AGBL4: variants seen among roughly 807,000 people sequenced by gnomAD.
AGBL4 encodes cytosolic carboxypeptidase 6.
Under a neutral mutation model 66.4 loss-of-function variants are expected in AGBL4, and 58 were observed. The observed-to-expected ratio is 0.87, with a 90% CI of 0.71 to 1.09. The LOEUF (loss-of-function observed/expected upper bound fraction) is 1.09. AGBL4 is among the 50% of genes least tolerant of loss of function. AGBL4 has a pLI of 0.00. For synonymous variants in AGBL4, 234 were observed against 222.9 expected, an observed-to-expected ratio of 1.05 and a Z score of -0.44; for missense variants, 579 against 631.0, an observed-to-expected ratio of 0.92 and a Z score of 0.88.
chr1:48,581,148 G>T (rs1366855298), intron 11 of AGBL4, among the ~76,000 whole-genome samples: 1 of 152,136 alleles, frequency 6.6e-6, no homozygotes, highest in Non-Finnish European at 1.5e-5. Flanking sequence ...CAGAGACCAA[G>T]CTTTTTTCAT....
intron 9 of AGBL4, among the ~76,000 whole-genome samples, chr1:48,596,150 G>A (rs1475637410): frequency 6.6e-6 from 1 of 152,156 alleles, no homozygotes; most frequent in Non-Finnish European, 1.5e-5. Context: ...AACTCTCCAT[G>A]TCCTGTACCC....
chr1:49,741,610 T>C (rs1245496296), intron 2 of AGBL4, among the ~76,000 whole-genome samples: 2 of 151,984 alleles, frequency 1.3e-5, no homozygotes, highest in African/African-American at 4.8e-5. Flanking sequence ...AAGAGAATCA[T>C]AGACCAATAT....
chr1:49,466,649 C>T (rs1450269717), intron 3 of AGBL4, among the ~76,000 whole-genome samples: 4 of 151,690 alleles, frequency 2.6e-5, no homozygotes, highest in African/African-American at 9.7e-5. Context: ...AGTTTATTCT[C>T]CTTCTATTAA....
At chr1:49,801,270 A>G (rs978519512) in intron 2 of AGBL4, among the ~76,000 whole-genome samples, 1 of 152,198 alleles carries the variant, frequency 6.6e-6, no homozygotes, top group Non-Finnish European at 1.5e-5. Flanking sequence ...TCAGTCCTAC[A>G]GCCACATGAG....
chr1:48,905,375 T>C (rs1652489651), intron 5 of AGBL4, among the ~76,000 whole-genome samples: 1 of 152,210 alleles, frequency 6.6e-6, no homozygotes, highest in African/African-American at 2.4e-5. Flanking sequence ...TGTACTGCAA[T>C]GTCTTCAAAA....
intron 4 of AGBL4, among the ~76,000 whole-genome samples, chr1:49,193,032 A>G (rs1647152954): frequency 6.6e-6 from 1 of 152,090 alleles, no homozygotes; most frequent in South Asian, 2.1e-4. Flanking sequence ...TTCTCTAATT[A>G]TCTTTTGTAT....
intron 5 of AGBL4, among the ~76,000 whole-genome samples, chr1:48,944,572 A>G (rs1656297444): frequency 6.6e-6 from 1 of 152,144 alleles, no homozygotes; most frequent in Admixed American, 6.5e-5. Flanking sequence ...TCAAGTAGCA[A>G]CTAATAGATA....
At chr1:49,156,301 TA>T (rs2148129617) in intron 4 of AGBL4, among the ~76,000 whole-genome samples, 1 of 152,296 alleles carries the variant, frequency 6.6e-6, no homozygotes, top group Non-Finnish European at 1.5e-5. Flanking sequence ...GAGAAAGAGC[TA>T]TTGAATGTAA....
chr1:48,896,684 G>A (rs149752327), intron 5 of AGBL4, among the ~76,000 whole-genome samples: 2 of 152,146 alleles, frequency 1.3e-5, no homozygotes, highest in African/African-American at 2.4e-5. Flanking sequence ...AGAAGCAGGT[G>A]TGGTGCTACC....
chr1:48,539,411 T>G (rs1481502753), intron 12 of AGBL4, among the ~76,000 whole-genome samples: 1 of 152,030 alleles, frequency 6.6e-6, no homozygotes, highest in Non-Finnish European at 1.5e-5. Flanking sequence ...GATTCCTAAG[T>G]TAGAACCAGA....
At chr1:49,860,256 G>C (rs1203914442) in intron 1 of AGBL4, among the ~76,000 whole-genome samples, 1 of 152,162 alleles carries the variant, frequency 6.6e-6, no homozygotes, top group Non-Finnish European at 1.5e-5. Flanking sequence ...AAAAAAAACA[G>C]TGTGGGGTTG....
chr1:48,731,372 T>C (rs969333506), intron 6 of AGBL4, among the ~76,000 whole-genome samples: 1 of 152,154 alleles, frequency 6.6e-6, no homozygotes, highest in Non-Finnish European at 1.5e-5. Context: ...TCTAATCAGA[T>C]GTATGGCCTT....
At chr1:49,661,805 A>T (rs983823802) in intron 3 of AGBL4, among the ~76,000 whole-genome samples, 1 of 152,092 alleles carries the variant, frequency 6.6e-6, no homozygotes, top group Non-Finnish European at 1.5e-5. Flanking sequence ...TATATCTATC[A>T]TGTAACCCAG....
chr1:49,739,767 A>C (rs976016048), intron 2 of AGBL4, among the ~76,000 whole-genome samples: 2 of 152,240 alleles, frequency 1.3e-5, no homozygotes, highest in Admixed American at 1.3e-4. Context: ...TAAAGAAAAG[A>C]ATTTTCAACC....
At chr1:49,120,410 ATTTTAT>A (rs1194271958) in intron 4 of AGBL4, among the ~76,000 whole-genome samples, 1 of 152,230 alleles carries the variant, frequency 6.6e-6, no homozygotes, top group East Asian at 1.9e-4. Flanking sequence ...TCTGTAAAGG[ATTTTAT>A]TTCTCCTTCA....
chr1:49,157,167 G>T (rs1475339781), intron 4 of AGBL4, among the ~76,000 whole-genome samples: 1 of 151,880 alleles, frequency 6.6e-6, no homozygotes, highest in Non-Finnish European at 1.5e-5. Flanking sequence ...CACGTGCCAT[G>T]GTGGTTTGCT....
intron 3 of AGBL4, among the ~76,000 whole-genome samples, chr1:49,623,005 G>GA (rs1190693210): frequency 3.9e-5 from 6 of 151,934 alleles, no homozygotes; most frequent in African/African-American, 1.2e-4. Flanking sequence ...AGATTCGCAG[G>GA]AAAAAACCAC....
chr1:49,115,117 C>T (rs1342479177), intron 4 of AGBL4, among the ~76,000 whole-genome samples: 1 of 152,014 alleles, frequency 6.6e-6, no homozygotes, highest in Non-Finnish European at 1.5e-5. Flanking sequence ...AAGCAAAATG[C>T]TATAAAATGA....
intron 1 of AGBL4, among the ~76,000 whole-genome samples, chr1:49,905,485 G>T (rs551764486): frequency 6.6e-6 from 1 of 152,262 alleles, no homozygotes; most frequent in South Asian, 2.1e-4. Flanking sequence ...TCAGATTATG[G>T]TCCAGGGTAG....
Sources: allele counts gnomAD v4.1 joint callset (sites outside exome capture counted in the v4.1 genomes callset), GRCh38; gene constraint gnomAD v4.1.1; transcripts MANE v1.5; gene names NCBI Gene and HGNC (gene_info 2026-07-23, HGNC 2026-07-21).